LRRC39: variants seen among roughly 807,000 people sequenced by gnomAD.
The protein encoded by LRRC39 is leucine rich repeat containing 39, also known as leucine-rich repeat-containing protein 39.
In LRRC39, 35 loss-of-function variants were observed where a neutral mutation model predicts 39.7. That is an observed-to-expected ratio of 0.88 (90% CI 0.67 to 1.17). LRRC39 has a LOEUF of 1.17. Ranked by LOEUF, LRRC39 falls within the 50% of genes most tolerant of loss-of-function variation. The pLI, the probability that LRRC39 is intolerant of heterozygous loss-of-function variation, is 0.00. For missense variants in LRRC39, 357 were observed against 385.8 expected (o/e 0.93, Z 0.62); for synonymous variants, 113 against 134.1 (o/e 0.84, Z 1.09).
At chr1:100,149,464 C>A in intron 9 of LRRC39, 2 of 1,528,534 alleles carry the variant, frequency 1.3e-6, no homozygotes, top group South Asian at 1.3e-5. Context: ...GATTATTTCA[C>A]TTAATTATTT....
chr1:100,173,017 G>C (rs1659733845), intron 2 of LRRC39, among the ~76,000 whole-genome samples: 1 of 150,664 alleles, frequency 6.6e-6, no homozygotes. Flanking sequence ...CTGCACGCCA[G>C]CCTGGGTGAC....
chr1:100,175,501 T>G (rs1557931065), intron 1 of LRRC39, among the ~76,000 whole-genome samples: 1 of 152,078 alleles, frequency 6.6e-6, no homozygotes, highest in Non-Finnish European at 1.5e-5. Context: ...TATTTCTTTA[T>G]AGCAATGCAA....
intron 1 of LRRC39, among the ~76,000 whole-genome samples, chr1:100,176,162 G>A (rs866380907): frequency 6.6e-6 from 1 of 152,192 alleles, no homozygotes; most frequent in African/African-American, 2.4e-5. Flanking sequence ...GCTGGACATG[G>A]TGGCTCACGC....
At chr1:100,158,651 T>A (rs1177568957) in intron 5 of LRRC39, among the ~76,000 whole-genome samples, 1 of 152,040 alleles carries the variant, frequency 6.6e-6, no homozygotes, top group Non-Finnish European at 1.5e-5. Context: ...TTAGCCAGGA[T>A]GGTCGCGATT....
rs11166406 is a variant in LRRC39, at chr1:100,159,473, C to T, written c.220-58G>A. On this transcript the variant is annotated intron_variant, in intron 4 of 9. Coordinates refer to ENST00000370137, the MANE Select transcript of LRRC39 (RefSeq NM_144620.4). ...TACTTAAATTTTTTTAGTATCACGC[C>T]ACCCTGAAATGTGATATTTGACTTA... is the stretch of plus-strand genomic sequence containing the variant. The T allele has an allele frequency of 2.1e-3, 2,775 of 1,319,122 alleles. 56 individuals carry two copies. The African/African-American group carries it at 0.038, about 18-fold the overall frequency. 81.7% of individuals were successfully genotyped at this position (1,319,122 alleles called of 1,614,324 possible).
intron 2 of LRRC39, among the ~76,000 whole-genome samples, chr1:100,169,083 C>A (rs1401413866): frequency 6.6e-6 from 1 of 151,628 alleles, no homozygotes; most frequent in Non-Finnish European, 1.5e-5. Flanking sequence ...AGGATTTTGA[C>A]CTGAATCTCA....
At chr1:100,154,787 T>G (rs529663725) in intron 8 of LRRC39, among the ~76,000 whole-genome samples, 1 of 152,312 alleles carries the variant, frequency 6.6e-6, no homozygotes, top group South Asian at 2.1e-4. Flanking sequence ...TAAAAGACCT[T>G]TGATAAACAT....
intron 2 of LRRC39, among the ~76,000 whole-genome samples, chr1:100,171,004 G>T (rs1054201580): frequency 1.3e-5 from 2 of 152,112 alleles, no homozygotes; most frequent in Non-Finnish European, 2.9e-5. Context: ...AGATATAAAA[G>T]ATCAATCATA....
chr1:100,163,333 G>A (rs1252244479), intron 3 of LRRC39, among the ~76,000 whole-genome samples: 1 of 152,220 alleles, frequency 6.6e-6, no homozygotes, highest in East Asian at 1.9e-4. Context: ...AGACATTGGA[G>A]ATACAAAAAG....
chr1:100,159,606 C>CTTTTT (rs10593200), intron 4 of LRRC39, among the ~76,000 whole-genome samples, 191 bp from the exon 5 acceptor site: 452 of 41,180 alleles, frequency 0.011, 8 homozygotes, highest in Middle Eastern at 0.017. Flanking sequence ...TTTTCTTTTC[C>CTTTTT]TTTTTTTTTT....
rs1456377567 is a variant in LRRC39 at position 100,152,406 on chromosome 1, G to C, written c.931C>G (p.Gln311Glu). Residue 311 changes from glutamine (Q) to glutamate (E), a missense_variant, in exon 9 of 10, where the codon CAA becomes GAA. Transcript: ENST00000370137. ...FGLQFMHTYI[Q>E]ESRRRADHQV... ...ATACCTGCTCTTCTCCGTGACTCTT[G>C]TATGTATGTGTGCATAAACTGAAGG... 2 of 1,613,958 alleles carry C rather than the reference G, an allele frequency of 1.2e-6. No individual in the cohort carries two copies. The highest frequency in any genetic ancestry group is 1.1e-5 in the South Asian group (1 of 91,060).
In LRRC39 at chr1:100,155,134, A is replaced by AT. The variant is rs775034605; in HGVS notation, c.728dup (p.Asn243LysfsTer14). The AT allele has an allele frequency of 3.7e-6, 6 of 1,610,448 alleles. No individual in the cohort carries two copies. The Admixed American group carries it at 5.0e-5, about 14-fold the overall frequency. On this transcript the variant is annotated frameshift_variant, in exon 8 of 10. Coordinates refer to ENST00000370137, the MANE Select transcript of LRRC39 (RefSeq NM_144620.4). LOFTEE classifies it high-confidence loss of function. ...GAACAAGAGTACCCAGATTTTTCATATTGCTGATTGTTTGAGGCAAGCATG... is the reference window on the plus strand; with the variant it reads ...GAACAAGAGTACCCAGATTTTTCATATTTGCTGATTGTTTGAGGCAAGCATG...
chr1:100,177,721 C>T (rs1423047505), intron 1 of LRRC39, among the ~76,000 whole-genome samples: 1 of 152,168 alleles, frequency 6.6e-6, no homozygotes, highest in Non-Finnish European at 1.5e-5. Flanking sequence ...TTTGCTAATT[C>T]ATTTCCTCAT....
rs76325790 is a variant in LRRC39 at position 100,177,457 on chromosome 1, G to A, written c.-119+678C>T. Among the ~76,000 whole-genome samples the A allele has an allele frequency of 1.1e-4, 17 of 152,308 alleles. No homozygotes were observed. In the East Asian group the frequency reaches 3.3e-3, roughly 29 times the overall value. ...TAATTGGCATAGGCAGGAAATTGTT[G>A]AGAGAATCTCTAAGCAAGGCATGCC... is the stretch of plus-strand genomic sequence containing the variant. On this transcript the variant is annotated intron_variant, in intron 1 of 9. Transcript: ENST00000370137.
intron 5 of LRRC39, 68 bp from the exon 6 acceptor site, chr1:100,158,435 A>G: frequency 6.9e-7 from 1 of 1,459,156 alleles, no homozygotes; most frequent in Non-Finnish European, 9.4e-7. Flanking sequence ...TTAAGGTATT[A>G]CAGCATAACT....
intron 2 of LRRC39, among the ~76,000 whole-genome samples, chr1:100,171,541 C>T (rs540545442): frequency 7.2e-6 from 1 of 138,434 alleles, no homozygotes; most frequent in African/African-American, 2.7e-5. Flanking sequence ...CTCGTTCTGT[C>T]CCATAGGCTG....
Position 100,158,273 on chromosome 1 carries a change from T to C in LRRC39, c.471A>G (p.Leu157=). The change falls in exon 6 of 10, where the codon CTA becomes CTG. Residue 157 remains leucine, a synonymous_variant. Transcript: ENST00000370137. The part of the protein sequence containing the change: ...ELSNCASLEK[L]ELAVNRDICD... ...ATATATCTCTGTTAACAGCCAGTTCTAGTTTCTCCAAGCTGGCACAATTAC... is the reference window on the plus strand; with the variant it reads ...ATATATCTCTGTTAACAGCCAGTTCCAGTTTCTCCAAGCTGGCACAATTAC... The C allele has an allele frequency of 6.2e-7, 1 of 1,614,092 alleles. No homozygotes were observed. Among genetic ancestry groups the C allele is most frequent in the Non-Finnish European group, 8.5e-7 (1 of 1,179,962 alleles).
intron 3 of LRRC39, among the ~76,000 whole-genome samples, chr1:100,164,113 T>C (rs1659068988): frequency 6.6e-6 from 1 of 152,154 alleles, no homozygotes; most frequent in African/African-American, 2.4e-5. Context: ...AATTTTATTG[T>C]AGAATAAGGC....
intron 3 of LRRC39, among the ~76,000 whole-genome samples, chr1:100,162,268 A>T (rs1246036126): frequency 6.6e-6 from 1 of 152,234 alleles, no homozygotes; most frequent in African/African-American, 2.4e-5. Context: ...ATAAAAATGT[A>T]TAAAATCTTT....
Sources: allele counts gnomAD v4.1 joint callset (sites outside exome capture counted in the v4.1 genomes callset), GRCh38; gene constraint gnomAD v4.1.1; transcripts MANE v1.5; gene names NCBI Gene and HGNC (gene_info 2026-07-23, HGNC 2026-07-21).